The following FCSK variants were observed in gnomAD, a reference collection of about 807,000 sequenced individuals.
The protein encoded by FCSK is fucose kinase.
Under a neutral mutation model 122.5 loss-of-function variants are expected in FCSK, and 123 were observed. The ratio of observed to expected loss-of-function variants is 1.00; its 90% CI spans 0.87 to 1.17. FCSK has a LOEUF of 1.17. Among genes scored for constraint, FCSK ranks in the 50% most tolerant of loss-of-function variants. FCSK has a pLI of 0.00. For missense variants in FCSK, 1,366 were observed against 1,450.4 expected, an observed-to-expected ratio of 0.94 and a Z score of 0.95; for synonymous variants, 620 against 625.5, an observed-to-expected ratio of 0.99 and a Z score of 0.13.
chr16:70,466,342 G>A, intron 5 of FCSK, 85 bp downstream of exon 5: 1 of 1,531,114 alleles, frequency 6.5e-7, no homozygotes, highest in Admixed American at 1.8e-5. Context: ...ATCTATGCTG[G>A]CTCAGCTGGG....
intron 3 of FCSK, among the ~76,000 whole-genome samples, chr16:70,464,284 G>C (rs2048350969): frequency 6.6e-6 from 1 of 152,148 alleles, no homozygotes; most frequent in Admixed American, 6.6e-5. Flanking sequence ...GACCACTGTA[G>C]CTGCCATGGC....
At chr16:70,471,585 G>A (rs1023091614) in intron 13 of FCSK, among the ~76,000 whole-genome samples, 1 of 152,202 alleles carries the variant, frequency 6.6e-6, no homozygotes, top group Admixed American at 6.5e-5. Context: ...GCTCTGCCAG[G>A]TGGGCTGGGT....
intron 10 of FCSK, among the ~76,000 whole-genome samples, chr16:70,470,094 C>T (rs764644696): frequency 1.3e-5 from 2 of 150,770 alleles, no homozygotes; most frequent in Non-Finnish European, 3.0e-5. Flanking sequence ...CTGCCTGCCT[C>T]GGCCTCCCAA....
chr16:70,475,775 A>G lies in FCSK; in HGVS notation c.2641+8A>G, dbSNP rs754073390. On this transcript the variant is annotated splice_region_variant and intron_variant, in intron 20 of 23. Transcript: ENST00000288078. ...AGCAGGTGCTCACCACTGGTATGTGACTGCCCTGGAGTTGGAGGAGGTCAC... is the reference window on the plus strand; with the variant it reads ...AGCAGGTGCTCACCACTGGTATGTGGCTGCCCTGGAGTTGGAGGAGGTCAC... The G allele has an allele frequency of 1.0e-5, 16 of 1,561,698 alleles. 1 individual carries two copies. In the South Asian group the frequency reaches 1.9e-4, roughly 18 times the overall value.
Position 70,470,369 on chromosome 16 carries a change from G to T in FCSK, c.1011G>T (p.Leu337=). The change falls in exon 11 of 24, where the codon CTG becomes CTT. Residue 337 remains leucine (L), a synonymous_variant. Transcript: ENST00000288078. The stretch of plus-strand genomic sequence containing the variant: ...TGACCTCCTCAGCCAGTGAGTTCCT[G>T]CTCAGCCTCACACTCCCCGGGGCTC... ...SYMTSSASEF[L]LSLTLPGAPG... 6.2e-7 allele frequency: 1 copy of T among 1,613,832 alleles called. No homozygotes were observed. Among genetic ancestry groups the T allele is most frequent in the Non-Finnish European group, 8.5e-7 (1 of 1,179,990 alleles).
At chr16:70,463,594 G>C in intron 2 of FCSK, 29 bp from the exon 3 acceptor site, 1 of 1,610,804 alleles carries the variant, frequency 6.2e-7, no homozygotes, top group Non-Finnish European at 8.5e-7. Flanking sequence ...GAGCTGGGGG[G>C]CAGGTCCCAG....
At chr16:70,466,287 C>G (rs373556729) in intron 5 of FCSK, 30 bp downstream of exon 5, 2 of 1,612,096 alleles carry the variant, frequency 1.2e-6, no homozygotes, top group Admixed American at 1.7e-5. Flanking sequence ...CGTGGTGCCT[C>G]GTCCCAGATA....
chr16:70,478,809 A>G lies in FCSK; in HGVS notation c.2929+159A>G, dbSNP rs931341561. On this transcript the variant is annotated intron_variant, in intron 22 of 23. Transcript: ENST00000288078. ...CTGTCCTCTCCAGGGTCTCACATTT[A>G]GGGGAGAGCTACATCTGAGGACAAA... 5 of 727,790 alleles carry G rather than the reference A, an allele frequency of 6.9e-6. No homozygotes were observed. The African/African-American group carries it at 6.9e-5, about 10-fold the overall frequency. 45.1% of individuals were successfully genotyped at this position (727,790 alleles called of 1,614,324 possible).
At position 70,474,846 on chromosome 16, in the gene FCSK, C is replaced by G; in HGVS notation, c.2212C>G (p.Leu738Val). The change falls in exon 18 of 24, where the codon CTG (leucine) becomes GTG (valine). Residue 738 changes from leucine (L) to valine (V), a missense_variant. Leu to Val is a conservative substitution (Grantham distance 32). Transcript: ENST00000288078. ...TGAGCTTGGCGGGGCTGTGCTGGGC[C>G]TGGCTGTGCGAGTGGACGGCCGCCG... Reference protein sequence around the residue: ...AYELGGAVLGLAVRVDGRRPI... With the variant: ...AYELGGAVLGVAVRVDGRRPI... The G allele has an allele frequency of 6.3e-7, 1 of 1,596,462 alleles. No homozygotes were observed. Among genetic ancestry groups the G allele is most frequent in the Non-Finnish European group, 8.5e-7 (1 of 1,172,764 alleles).
At position 70,467,461 on chromosome 16, in the gene FCSK, C is replaced by T. The variant is rs2048456532; in HGVS notation, c.572C>T (p.Thr191Ile). 2 of 1,600,900 alleles carry T rather than the reference C, an allele frequency of 1.2e-6. No homozygotes were observed. Among genetic ancestry groups the T allele is most frequent in the African/African-American group, 1.3e-5 (1 of 74,538 alleles). The change falls in exon 7 of 24, where the codon ACT becomes ATT. Residue 191 changes from threonine (T) to isoleucine (I), a missense_variant. Physicochemically the swap from Thr to Ile is moderately conservative, Grantham distance 89. Transcript: ENST00000288078. ...GCTCAGAATCATGGCGTCTACCTAACTGACCCCCAGGTAGTGCCCCTGGGG... is the reference window on the plus strand; with the variant it reads ...GCTCAGAATCATGGCGTCTACCTAATTGACCCCCAGGTAGTGCCCCTGGGG... ...AYAQNHGVYL[T>I]DPQGLVLDIY...
rs367854536 is a variant in FCSK, at chr16:70,473,013, G to C, written c.1437G>C (p.Leu479=). ...RAWDLWDPET[L]PAEYCLPSAR... ...GGGACCTGTGGGACCCTGAGACGCT[G>C]CCCGCAGAGTACTGCCTTCCCAGCG... The change falls in exon 15 of 24, where the codon CTG becomes CTC. Residue 479 remains leucine, a synonymous_variant. Transcript: ENST00000288078. This position sits in a 1 kb window ranked among gnomAD's most constrained non-coding sequence, Gnocchi z 4.9. 1,018 of 1,599,456 alleles carry C rather than the reference G, an allele frequency of 6.4e-4. 1 individual carries two copies. Among genetic ancestry groups the C allele is most frequent in the Admixed American group, 7.5e-4 (44 of 58,358 alleles).
At chr16:70,459,109 G>C (rs1308531321) in intron 1 of FCSK, among the ~76,000 whole-genome samples, 1 of 151,756 alleles carries the variant, frequency 6.6e-6, no homozygotes, top group African/African-American at 2.4e-5. Flanking sequence ...TATGGTCCCA[G>C]CTATACAGGA....
At position 70,471,247 on chromosome 16, in the gene FCSK, G is replaced by A. The variant is rs2048607188; in HGVS notation, c.1236G>A (p.Leu412=). The A allele has an allele frequency of 6.2e-7, 1 of 1,610,500 alleles. No homozygotes were observed. Among genetic ancestry groups the A allele is most frequent in the East Asian group, 2.2e-5 (1 of 44,832 alleles). ...TGGATACAGCCCACTCCAAGGCCCT[G>A]CATGGCCGGGAGCTGCGTGACCTTG... ...TGLDTAHSKA[L]HGRELRDLVL... is the part of the protein sequence containing the mutation. Residue 412 remains leucine (L), a synonymous_variant, in exon 13 of 24, where the codon CTG becomes CTA. Transcript: ENST00000288078.
chr16:70,471,428 A>C, intron 13 of FCSK, 76 bp downstream of exon 13: 1 of 1,409,768 alleles, frequency 7.1e-7, no homozygotes, highest in South Asian at 1.4e-5. Flanking sequence ...CCCCCACCCC[A>C]CTGCGGGGTT....
intron 22 of FCSK, chr16:70,478,888 G>A: frequency 1.4e-6 from 1 of 698,646 alleles, no homozygotes. Flanking sequence ...AGAGGGGAAG[G>A]GACTCAACCC....
intron 1 of FCSK, among the ~76,000 whole-genome samples, chr16:70,460,205 G>A (rs546126745): frequency 1.4e-5 from 2 of 147,474 alleles, no homozygotes; most frequent in African/African-American, 2.5e-5. Flanking sequence ...TCCGCCTCCC[G>A]GGTTCATGCC....
chr16:70,467,679 C>G (rs1188903799), intron 7 of FCSK: 2 of 635,536 alleles, frequency 3.1e-6, no homozygotes, highest in African/African-American at 3.6e-5. Flanking sequence ...GTCTCTGTGC[C>G]CAGGCTCAGG....
At chr16:70,464,368 G>C (rs1331932342) in intron 3 of FCSK, among the ~76,000 whole-genome samples, 1 of 152,040 alleles carries the variant, frequency 6.6e-6, no homozygotes, top group Non-Finnish European at 1.5e-5. Flanking sequence ...ACAGACAGCA[G>C]AGGCCGGGCG....
chr16:70,478,635 G>T lies in FCSK; in HGVS notation c.2914G>T (p.Glu972Ter). The T allele has an allele frequency of 1.2e-6, 2 of 1,613,574 alleles. No homozygotes were observed. Among genetic ancestry groups the T allele is most frequent in the South Asian group, 1.1e-5 (1 of 91,060 alleles). Residue 972 changes from glutamate (E) to a stop codon, truncating the protein, a stop_gained, in exon 22 of 24, where the codon GAA (glutamate) becomes TAA (stop). Transcript: ENST00000288078. LOFTEE classifies it high-confidence loss of function. ...GGTACGGCAAACTGAGGAGTGTGCT[G>T]AAGGCTTCCGCCAAGGTGAGGGGCT... ...SLVRQTEECA[E>*]GFRQGSLPLL...
Sources: allele counts gnomAD v4.1 joint callset (sites outside exome capture counted in the v4.1 genomes callset), GRCh38; gene constraint gnomAD v4.1.1; non-coding constraint Gnocchi (gnomAD v3.1); transcripts MANE v1.5; gene names NCBI Gene and HGNC (gene_info 2026-07-23, HGNC 2026-07-21).